Variants in MCC observed in about 807,000 individuals in gnomAD.
MCC encodes the protein MCC regulator of Wnt signaling pathway.
In MCC, 90 loss-of-function variants were observed where a neutral mutation model predicts 116.2. The observed-to-expected ratio is 0.77, with a 90% CI of 0.65 to 0.92. MCC has a LOEUF of 0.92. MCC is among the 40% of genes least tolerant of loss of function. The pLI is 0.00. For synonymous variants in MCC, 578 were observed against 510.5 expected, an observed-to-expected ratio of 1.13 and a Z score of -1.78; for missense variants, 1,516 against 1,312.2, an observed-to-expected ratio of 1.16 and a Z score of -2.40.
At chr5:113,294,554 A>AATT (rs1766647158) in intron 3 of MCC, 2 of 1,367,374 alleles carry the variant, frequency 1.5e-6, no homozygotes, top group South Asian at 1.9e-5. Context: ...AGGCACTCTT[A>AATT]AAAAGAGCAG....
chr5:113,483,138 G>A (rs113490404), intron 1 of MCC, among the ~76,000 whole-genome samples: 35 of 152,162 alleles, frequency 2.3e-4, no homozygotes, highest in Admixed American at 1.4e-3. Flanking sequence ...TTTGTGTATC[G>A]TTATGCTAGT....
At chr5:113,148,137 C>G (rs1422284920) in intron 4 of MCC, among the ~76,000 whole-genome samples, 1 of 152,206 alleles carries the variant, frequency 6.6e-6, no homozygotes, top group African/African-American at 2.4e-5. Flanking sequence ...CAAATCAGGA[C>G]TATATCTGAT....
chr5:113,086,058 G>A (rs1037280613), intron 8 of MCC, among the ~76,000 whole-genome samples: 17 of 152,158 alleles, frequency 1.1e-4, no homozygotes, highest in South Asian at 4.1e-4. Context: ...TGGGGACTGC[G>A]GACGAGGACC....
chr5:113,314,459 T>C (rs142451915), intron 3 of MCC, among the ~76,000 whole-genome samples: 30 of 152,344 alleles, frequency 2.0e-4, no homozygotes, highest in Admixed American at 4.6e-4. Flanking sequence ...CTGAAAGAAC[T>C]GTTTTTGCTC....
chr5:113,311,976 G>A (rs1043076021), intron 3 of MCC, among the ~76,000 whole-genome samples: 3 of 152,038 alleles, frequency 2.0e-5, no homozygotes, highest in Non-Finnish European at 4.4e-5. Context: ...TGTGATGGTG[G>A]GCACCTGTAA....
intron 9 of MCC, 68 bp downstream of exon 9, chr5:113,085,096 G>C: frequency 2.6e-5 from 41 of 1,605,506 alleles, no homozygotes; most frequent in Non-Finnish European, 3.5e-5. Context: ...ACAGTGGCTA[G>C]GATGAGCCTG....
In MCC at chr5:113,198,028, G is replaced by A. The variant is rs183685115; in HGVS notation, c.628-46606C>T. Among the ~76,000 whole-genome samples the A allele has an allele frequency of 1.4e-4, 22 of 152,354 alleles. No individual in the cohort carries two copies. The East Asian group carries it at 2.9e-3, about 20-fold the overall frequency. On this transcript the variant is annotated intron_variant, in intron 3 of 18. Transcript: ENST00000408903. ...GATTAGAAAGGGGGTAAGAACTGGT[G>A]GCCAGCCACGCTGTGAGCCTATATA...
At chr5:113,262,736 A>T (rs1019776629) in intron 3 of MCC, among the ~76,000 whole-genome samples, 1 of 152,172 alleles carries the variant, frequency 6.6e-6, no homozygotes. Flanking sequence ...CATCAGAGTC[A>T]TCTGGAGGGC....
intron 3 of MCC, among the ~76,000 whole-genome samples, chr5:113,200,784 C>G (rs1423092354): frequency 6.6e-6 from 1 of 152,180 alleles, no homozygotes; most frequent in Non-Finnish European, 1.5e-5. Flanking sequence ...AGATGGTGCC[C>G]AGGTGGCTAC....
chr5:113,338,397 C>CA (rs1376306086), intron 3 of MCC, among the ~76,000 whole-genome samples: 1 of 152,172 alleles, frequency 6.6e-6, no homozygotes, highest in Admixed American at 6.5e-5. Context: ...GTGGGAACCC[C>CA]AAGGGCTGAG....
rs113062470 is a variant in MCC, at chr5:113,372,820, G to A, written c.415+12148C>T. Among the ~76,000 whole-genome samples the A allele has an allele frequency of 1.3e-3, 200 of 152,122 alleles. 3 individuals are homozygous for A. The highest frequency in any genetic ancestry group is 4.1e-3 in the African/African-American group (172 of 41,518). On this transcript the variant is annotated intron_variant, in intron 2 of 18. Transcript: ENST00000408903. ...CAGTCACCTACCCTGGCCTCCCAAA[G>A]TGATGGGATTATAAGCATGAGCCAC...
At chr5:113,294,410 T>C in intron 3 of MCC, 1 of 1,613,382 alleles carries the variant, frequency 6.2e-7, no homozygotes. Flanking sequence ...AGCTGGGCTC[T>C]CAGTCCCCCA....
At chr5:113,433,971 C>T (rs773106705) in intron 1 of MCC, 3 of 1,614,028 alleles carry the variant, frequency 1.9e-6, no homozygotes, top group East Asian at 2.2e-5. Flanking sequence ...TCCCCGGGAA[C>T]TCTCCCCCTC....
chr5:113,134,825 A>G (rs537877064), intron 5 of MCC, among the ~76,000 whole-genome samples: 50 of 152,014 alleles, frequency 3.3e-4, no homozygotes, highest in African/African-American at 1.2e-3. Flanking sequence ...CTAGGCATAA[A>G]TAGATTAACA....
chr5:113,434,588 G>A lies in MCC; in HGVS notation c.171-49376C>T. 1 of 1,613,910 alleles carries A rather than the reference G, an allele frequency of 6.2e-7. No homozygotes were observed. Among genetic ancestry groups the A allele is most frequent in the Non-Finnish European group, 8.5e-7 (1 of 1,179,874 alleles). ...CGAGCTCCATGACGATGTAGACCTTGCCATGTGATGTCTCAAAGATCTCGT... is the reference window on the plus strand; with the variant it reads ...CGAGCTCCATGACGATGTAGACCTTACCATGTGATGTCTCAAAGATCTCGT... On this transcript the variant is annotated intron_variant, in intron 1 of 18. Coordinates refer to ENST00000408903, the MANE Select transcript of MCC (RefSeq NM_001085377.2). The surrounding 1 kb of genome is among the most constrained non-coding windows in gnomAD (Gnocchi z 4.2).
At chr5:113,429,563 C>T (rs1275557892) in intron 1 of MCC, among the ~76,000 whole-genome samples, 2 of 152,194 alleles carry the variant, frequency 1.3e-5, no homozygotes, top group Non-Finnish European at 2.9e-5. Context: ...TTGTTTTCCT[C>T]TTTAGCTCTG....
At chr5:113,197,895 G>A (rs1288161349) in intron 3 of MCC, among the ~76,000 whole-genome samples, 1 of 152,240 alleles carries the variant, frequency 6.6e-6, no homozygotes, top group Non-Finnish European at 1.5e-5. Context: ...CCAGGCAGGA[G>A]AGGCGGAGGA....
At chr5:113,428,849 A>C (rs1412653462) in intron 1 of MCC, 1 of 152,226 alleles carries the variant, frequency 6.6e-6, no homozygotes, top group African/African-American at 2.4e-5. Context: ...AGTCCAAAAG[A>C]CATTAAATAA....
At chr5:113,115,069 C>T (rs1321385042) in intron 6 of MCC, among the ~76,000 whole-genome samples, 1 of 151,798 alleles carries the variant, frequency 6.6e-6, no homozygotes, top group Non-Finnish European at 1.5e-5. Context: ...TAACACATGC[C>T]CTCTGGGGCT....
Sources: gnomAD v4.1 joint callset for allele counts (sites outside exome capture counted in the v4.1 genomes callset) on GRCh38, gnomAD v4.1.1 for gene constraint, Gnocchi (gnomAD v3.1) non-coding constraint, MANE v1.5 for transcripts, NCBI Gene and HGNC (gene_info 2026-07-23, HGNC 2026-07-21) for gene names.